Variants in PTPRG observed in about 807,000 individuals in gnomAD.
The protein encoded by PTPRG is receptor-type tyrosine-protein phosphatase gamma.
PTPRG carries 102 observed loss-of-function variants against 165.3 expected under a neutral mutation model. That is an observed-to-expected ratio of 0.62 (90% CI 0.53 to 0.73). The LOEUF (loss-of-function observed/expected upper bound fraction) is 0.73. PTPRG is among the 30% of genes least tolerant of loss of function. The pLI is 0.00. For synonymous variants in PTPRG, 675 were observed against 669.5 expected (o/e 1.01, Z -0.13); for missense variants, 1,866 against 1,861.4 (o/e 1.00, Z -0.05).
At chr3:61,857,448 G>A (rs1343229882) in intron 2 of PTPRG, among the ~76,000 whole-genome samples, 1 of 152,180 alleles carries the variant, frequency 6.6e-6, no homozygotes, top group East Asian at 1.9e-4. Context: ...CCATGAATGG[G>A]ATGGGTCAGG....
At chr3:62,171,878 A>T (rs1336011481) in intron 8 of PTPRG, among the ~76,000 whole-genome samples, 2 of 151,504 alleles carry the variant, frequency 1.3e-5, no homozygotes, top group Non-Finnish European at 2.9e-5. Flanking sequence ...TGTAGCAATC[A>T]CTCCCATTCT....
At chr3:61,631,137 A>G (rs1003192425) in intron 1 of PTPRG, among the ~76,000 whole-genome samples, 3 of 151,998 alleles carry the variant, frequency 2.0e-5, no homozygotes, top group African/African-American at 7.2e-5. Context: ...GGAAGCAGGG[A>G]ATTGTTATCA....
chr3:61,649,790 C>T (rs1702300075), intron 1 of PTPRG, among the ~76,000 whole-genome samples: 1 of 152,192 alleles, frequency 6.6e-6, no homozygotes, highest in Non-Finnish European at 1.5e-5. Flanking sequence ...CAGACTGACA[C>T]TTAAAGTTTT....
intron 5 of PTPRG, among the ~76,000 whole-genome samples, chr3:62,117,114 A>G (rs1248466883): frequency 1.3e-5 from 2 of 152,180 alleles, no homozygotes. Context: ...CTTCTGCTTT[A>G]TTAGAACCTG....
intron 1 of PTPRG, among the ~76,000 whole-genome samples, chr3:61,658,104 C>G (rs1702558666): frequency 6.6e-6 from 1 of 152,156 alleles, no homozygotes; most frequent in African/African-American, 2.4e-5. Flanking sequence ...ACTCTGATTT[C>G]TAGATTTGGA....
chr3:62,196,579 G>C (rs1699968250), intron 10 of PTPRG, among the ~76,000 whole-genome samples: 1 of 152,110 alleles, frequency 6.6e-6, no homozygotes, highest in Non-Finnish European at 1.5e-5. Flanking sequence ...GTGGGCTGTA[G>C]CCACGGGCCG....
chr3:62,052,531 A>C (rs1452647446), intron 4 of PTPRG, among the ~76,000 whole-genome samples: 2 of 152,138 alleles, frequency 1.3e-5, no homozygotes, highest in South Asian at 2.1e-4. Flanking sequence ...GCATCTCTAC[A>C]AAAAAATTTA....
intron 2 of PTPRG, among the ~76,000 whole-genome samples, chr3:61,859,451 A>G (rs549445439): frequency 6.6e-6 from 1 of 152,268 alleles, no homozygotes; most frequent in East Asian, 1.9e-4. Context: ...CACAAGGGAA[A>G]ATCAGAGCTG....
rs142545820 is a variant in PTPRG, at chr3:62,214,157, T to G, written c.2156-4694T>G. Among the ~76,000 whole-genome samples the G allele has an allele frequency of 1.4e-3, 216 of 152,318 alleles. No homozygotes were observed. The highest frequency in any genetic ancestry group is 4.9e-3 in the African/African-American group (203 of 41,582). On this transcript the variant is annotated intron_variant, in intron 12 of 29. Transcript: ENST00000474889. The surrounding 1 kb of genome is among the most constrained non-coding windows in gnomAD (Gnocchi z 5.2). The stretch of plus-strand genomic sequence containing the variant: ...TGCTGATACTCAGCACATCTGAAGT[T>G]CTGTATGACTGCCACTTACACACTC...
intron 10 of PTPRG, among the ~76,000 whole-genome samples, chr3:62,199,228 G>A (rs1700039461): frequency 6.6e-6 from 1 of 152,156 alleles, no homozygotes; most frequent in African/African-American, 2.4e-5. Context: ...GCTATATTTA[G>A]GCTGGGTGAG....
At chr3:61,782,138 A>T (rs978995729) in intron 2 of PTPRG, among the ~76,000 whole-genome samples, 2 of 152,188 alleles carry the variant, frequency 1.3e-5, no homozygotes, top group African/African-American at 4.8e-5. Flanking sequence ...CTACTTTAAA[A>T]TATTGGGAAA....
At chr3:62,095,772 GC>G (rs1354803240) in intron 5 of PTPRG, among the ~76,000 whole-genome samples, 3 of 152,182 alleles carry the variant, frequency 2.0e-5, no homozygotes, top group Non-Finnish European at 4.4e-5. Context: ...GTCAAGAAAG[GC>G]TCTCTGGGAG....
At chr3:61,708,968 G>C (rs2031410621) in intron 1 of PTPRG, among the ~76,000 whole-genome samples, 1 of 152,228 alleles carries the variant, frequency 6.6e-6, no homozygotes, top group Non-Finnish European at 1.5e-5. Context: ...TTCTAAGTCT[G>C]TTGGAAGGAA....
chr3:62,114,307 A>G (rs1367517845), intron 5 of PTPRG, among the ~76,000 whole-genome samples: 1 of 151,952 alleles, frequency 6.6e-6, no homozygotes, highest in Non-Finnish European at 1.5e-5. Context: ...TCAAACAAAA[A>G]CAAACAAACA....
rs374311570 is a variant in PTPRG at position 61,951,035 on chromosome 3, A to G, written c.191-38590A>G. 1.6e-4 allele frequency among the ~76,000 whole-genome samples: 24 copies of G among 152,320 alleles called. No individual in the cohort carries two copies. The East Asian group carries it at 4.2e-3, about 27-fold the overall frequency. On this transcript the variant is annotated intron_variant, in intron 2 of 29. Coordinates refer to ENST00000474889, the MANE Select transcript of PTPRG (RefSeq NM_002841.4). The stretch of plus-strand genomic sequence containing the variant: ...TCATTGCAGGAACATGGAACTGGTT[A>G]AAATATCATTTTCGTAAGCAGTACA...
chr3:62,076,436 C>T (rs897960084), intron 4 of PTPRG, among the ~76,000 whole-genome samples: 4 of 152,122 alleles, frequency 2.6e-5, no homozygotes, highest in Admixed American at 6.5e-5. Flanking sequence ...GACTTTATGC[C>T]TAAGAAAGCT....
intron 6 of PTPRG, among the ~76,000 whole-genome samples, chr3:62,136,257 A>ATGCT (rs1244695854): frequency 6.6e-6 from 1 of 152,200 alleles, no homozygotes; most frequent in African/African-American, 2.4e-5. Flanking sequence ...ATGTATGCAT[A>ATGCT]TGCTTGGTAG....
At chr3:61,875,124 T>C (rs1358384406) in intron 2 of PTPRG, among the ~76,000 whole-genome samples, 4 of 152,346 alleles carry the variant, frequency 2.6e-5, no homozygotes, top group African/African-American at 9.6e-5. Context: ...TCTTTTGCTC[T>C]AGCTTTTGAT....
chr3:62,168,527 G>C (rs2106736081), intron 8 of PTPRG, among the ~76,000 whole-genome samples: 1 of 152,254 alleles, frequency 6.6e-6, no homozygotes, highest in South Asian at 2.1e-4. Context: ...AAACGGGAGA[G>C]TTCCCTGACC....
Sources: allele counts gnomAD v4.1 joint callset (sites outside exome capture counted in the v4.1 genomes callset), GRCh38; gene constraint gnomAD v4.1.1; non-coding constraint Gnocchi (gnomAD v3.1); transcripts MANE v1.5; gene names NCBI Gene and HGNC (gene_info 2026-07-23, HGNC 2026-07-21).